The following FBN2 variants were observed in gnomAD, a reference collection of about 807,000 sequenced individuals.
FBN2 encodes fibrillin-2.
In FBN2, 105 loss-of-function variants were observed where a neutral mutation model predicts 355.6. The observed-to-expected ratio is 0.30, with a 90% CI of 0.25 to 0.35. FBN2 has a LOEUF of 0.35. FBN2 is among the 10% of genes least tolerant of loss of function. The pLI is 1.00. For missense variants in FBN2, 3,280 were observed against 3,758.7 expected (o/e 0.87, Z 3.33); for synonymous variants, 1,350 against 1,301.2 (o/e 1.04, Z -0.81).
intron 62 of FBN2, among the ~76,000 whole-genome samples, chr5:128,269,454 A>AT (rs1261134824): frequency 6.7e-6 from 1 of 150,010 alleles, no homozygotes; most frequent in Non-Finnish European, 1.5e-5. Context: ...GTGAGACTCC[A>AT]CCCCAAAAAA....
intron 3 of FBN2, 73 bp downstream of exon 3, chr5:128,530,522 A>G (rs1398332432): frequency 1.0e-6 from 1 of 989,928 alleles, no homozygotes. Flanking sequence ...TCCCTGGCAC[A>G]TAGAAGGACC....
chr5:128,461,140 C>T (rs987605549), intron 6 of FBN2, among the ~76,000 whole-genome samples: 1 of 152,076 alleles, frequency 6.6e-6, no homozygotes, highest in Non-Finnish European at 1.5e-5. Context: ...TTATAAGGAA[C>T]TTAAACATAT....
At chr5:128,356,410 A>G (rs1751504503) in intron 20 of FBN2, among the ~76,000 whole-genome samples, 1 of 152,274 alleles carries the variant, frequency 6.6e-6, no homozygotes, top group Non-Finnish European at 1.5e-5. Context: ...TTCGACAAAT[A>G]TGAAACTAAA....
chr5:128,404,723 A>C (rs1251298933), intron 8 of FBN2, among the ~76,000 whole-genome samples: 1 of 152,262 alleles, frequency 6.6e-6, no homozygotes, highest in Non-Finnish European at 1.5e-5. Context: ...AACAAAGCCC[A>C]CAGTCTAGCC....
chr5:128,454,048 A>G (rs530562285), intron 6 of FBN2, among the ~76,000 whole-genome samples: 2 of 146,192 alleles, frequency 1.4e-5, no homozygotes, highest in South Asian at 4.7e-4. Flanking sequence ...TCTGAAGTAG[A>G]TCTGTCTCTT....
chr5:128,319,577 G>A (rs1404577227), intron 34 of FBN2, among the ~76,000 whole-genome samples: 1 of 150,490 alleles, frequency 6.6e-6, no homozygotes, highest in African/African-American at 2.4e-5. Context: ...TTTTTATTTT[G>A]TAATCTTATC....
chr5:128,293,161 T>C (rs938458382), intron 48 of FBN2, among the ~76,000 whole-genome samples: 2 of 152,182 alleles, frequency 1.3e-5, no homozygotes, highest in African/African-American at 4.8e-5. Context: ...TGTTAGAATG[T>C]CATCTGGGAA....
At chr5:128,452,392 G>A (rs983959520) in intron 6 of FBN2, among the ~76,000 whole-genome samples, 7 of 152,146 alleles carry the variant, frequency 4.6e-5, no homozygotes, top group African/African-American at 7.2e-5. Flanking sequence ...GTCAGTCCAT[G>A]TCTATTAAGG....
intron 34 of FBN2, 108 bp downstream of exon 34, chr5:128,328,588 A>C: frequency 3.6e-6 from 4 of 1,119,146 alleles, no homozygotes; most frequent in Non-Finnish European, 5.3e-6. Context: ...ATAGTGCAGC[A>C]TGTGCTATGT....
chr5:128,453,995 C>T lies in FBN2; in HGVS notation c.827-7389G>A, dbSNP rs183873378. Among the ~76,000 whole-genome samples the T allele has an allele frequency of 2.2e-3, 337 of 151,168 alleles. 4 individuals carry two copies. The highest frequency in any genetic ancestry group is 1.2e-3 in the Non-Finnish European group (81 of 67,774). On this transcript the variant is annotated intron_variant, in intron 6 of 64. Coordinates refer to ENST00000262464, the MANE Select transcript of FBN2 (RefSeq NM_001999.4). ...AGAATACTCAGAAATGGCTTGCCCC[C>T]CCCCCAAGTTTCTCCTTCCATTACC...
chr5:128,375,262 T>C (rs1029561801), intron 14 of FBN2, among the ~76,000 whole-genome samples: 6 of 152,332 alleles, frequency 3.9e-5, no homozygotes, highest in African/African-American at 1.4e-4. Flanking sequence ...AGCTGCCGAC[T>C]CAGGAATACT....
At chr5:128,429,031 C>T (rs997784457) in intron 7 of FBN2, among the ~76,000 whole-genome samples, 1 of 152,164 alleles carries the variant, frequency 6.6e-6, no homozygotes, top group Non-Finnish European at 1.5e-5. Flanking sequence ...CCTCTCAGGA[C>T]AATTCAACTC....
At chr5:128,263,289 C>T (rs1464700240) in intron 63 of FBN2, 136 bp downstream of exon 63, 4 of 722,294 alleles carry the variant, frequency 5.5e-6, no homozygotes, top group Non-Finnish European at 1.0e-5. Context: ...TATTTATCTG[C>T]ATACCCGAAG....
Position 128,318,975 on chromosome 5 carries a change from T to C in FBN2, c.4498A>G (p.Ile1500Val), listed in dbSNP as rs1750290100. 1 of 1,608,228 alleles carries C rather than the reference T, an allele frequency of 6.2e-7. No individual in the cohort carries two copies. The highest frequency in any genetic ancestry group is 8.5e-7 in the Non-Finnish European group (1 of 1,174,804). Residue 1500 changes from isoleucine to valine, a missense_variant, in exon 35 of 65, where the codon ATT becomes GTT. Ile to Val is a conservative substitution (Grantham distance 29). Coordinates refer to ENST00000262464, the MANE Select transcript of FBN2 (RefSeq NM_001999.4). ...QDIDECSFQNICVFGTCNNLP... is the reference protein window; with the variant it reads ...QDIDECSFQNVCVFGTCNNLP... ...TTATTACATGTTCCAAAGACACAAA[T>C]GTTTTGGAAGGAGCATTCATCAATA...
rs748874308 is a variant in FBN2, at chr5:128,259,517, C to T, written c.8677G>A (p.Asp2893Asn). Reference sequence around the variant, plus strand: ...TCCCCAAGCTCCCCTAGGAGGTAGTCATCCTCATTGCTCTCTTCCAGTTTC... The same window carrying T: ...TCCCCAAGCTCCCCTAGGAGGTAGTTATCCTCATTGCTCTCTTCCAGTTTC... ...LKKLEESNEDDYLLGELGEAL... is the reference protein window; with the variant it reads ...LKKLEESNEDNYLLGELGEAL... Residue 2893 changes from aspartate (D) to asparagine (N), a missense_variant, in exon 65 of 65, where the codon GAC becomes AAC. Coordinates refer to ENST00000262464, the MANE Select transcript of FBN2 (RefSeq NM_001999.4). 1 of 1,613,990 alleles carries T rather than the reference C, an allele frequency of 6.2e-7. No individual in the cohort carries two copies. The highest frequency in any genetic ancestry group is 1.7e-5 in the Admixed American group (1 of 60,014).
At chr5:128,465,001 CA>C in intron 5 of FBN2, 80 bp from the exon 6 acceptor site, 1 of 1,325,468 alleles carries the variant, frequency 7.5e-7, no homozygotes. Context: ...ATGCATAAAA[CA>C]GAGACTATTT....
In FBN2 at chr5:128,335,454, C is replaced by T; in HGVS notation, c.3847+1G>A. On this transcript the variant is annotated splice_donor_variant, in intron 29 of 64. Transcript: ENST00000262464. LOFTEE classifies it high-confidence loss of function. ...AAACCTGTGTGTTTTCCTTTCTATA[C>T]CTGCACACGATCTCCCATCTGGCAT... 6.2e-7 allele frequency: 1 copy of T among 1,614,212 alleles called. No individual in the cohort carries two copies. The highest frequency in any genetic ancestry group is 8.5e-7 in the Non-Finnish European group (1 of 1,180,028).
rs562104499 is a variant in FBN2, at chr5:128,503,878, A to G, written c.628+15395T>C. On this transcript the variant is annotated intron_variant, in intron 5 of 64. Transcript: ENST00000262464. ...AGGGCATGTCAGAGACCTTCATGGC[A>G]GCCCCTTCCATCACAGGCCTGGAGG... is the stretch of plus-strand genomic sequence containing the variant. Among the ~76,000 whole-genome samples the G allele has an allele frequency of 7.9e-5, 12 of 152,300 alleles. No individual in the cohort carries two copies. The South Asian group carries it at 1.9e-3, about 24-fold the overall frequency.
rs776615243 is a variant in FBN2, at chr5:128,407,320, C to A, written c.1078+1354G>T. On this transcript the variant is annotated intron_variant, in intron 8 of 64. Transcript: ENST00000262464. ...GAATAACTATACTTATCACACAGGG[C>A]TATTAGAAGGACCATATGACATATT... 1.2e-3 allele frequency among the ~76,000 whole-genome samples: 175 copies of A among 152,124 alleles called. 3 individuals carry two copies. The highest frequency in any genetic ancestry group is 4.0e-4 in the Non-Finnish European group (27 of 68,024).
Sources: gnomAD v4.1 joint callset for allele counts (sites outside exome capture counted in the v4.1 genomes callset) on GRCh38, gnomAD v4.1.1 for gene constraint, MANE v1.5 for transcripts, NCBI Gene and HGNC (gene_info 2026-07-23, HGNC 2026-07-21) for gene names.